The following DNAH5 variants were observed in gnomAD, a reference collection of about 807,000 sequenced individuals.
The protein encoded by DNAH5 is axonemal beta dynein heavy chain 5.
A neutral mutation model predicts 518.2 loss-of-function variants in DNAH5; 372 were observed. That is an observed-to-expected ratio of 0.72 (90% CI 0.66 to 0.78). The LOEUF (loss-of-function observed/expected upper bound fraction) is 0.78. DNAH5 is among the 30% of genes least tolerant of loss of function. DNAH5 has a pLI of 0.00. For synonymous variants in DNAH5, 2,039 were observed against 2,025.9 expected (o/e 1.01, Z -0.17); for missense variants, 5,523 against 5,687.0 (o/e 0.97, Z 0.93).
chr5:13,786,416 T>A (rs970954683), intron 51 of DNAH5, 65 bp from the exon 52 acceptor site: 1 of 1,450,532 alleles, frequency 6.9e-7, no homozygotes, highest in Non-Finnish European at 9.6e-7. Context: ...CAATCTAAAT[T>A]AATACACTCA....
intron 2 of DNAH5, among the ~76,000 whole-genome samples, chr5:13,929,451 T>C (rs1778203991): frequency 1.3e-5 from 2 of 148,668 alleles, no homozygotes. Context: ...TAATGAACTG[T>C]ACACTTAAAA....
upstream of DNAH5, among the ~76,000 whole-genome samples, chr5:13,947,448 C>T (rs1255107341): frequency 6.6e-6 from 1 of 152,150 alleles, no homozygotes; most frequent in East Asian, 1.9e-4. Flanking sequence ...AAACCACTTA[C>T]CTAAAACTGG....
intron 1 of DNAH5, among the ~76,000 whole-genome samples, chr5:13,964,795 T>C (rs964571499): frequency 6.6e-6 from 1 of 152,210 alleles, no homozygotes; most frequent in Non-Finnish European, 1.5e-5. Flanking sequence ...GTATCTGAAG[T>C]AGGATCAGGA....
intron 15 of DNAH5, 88 bp downstream of exon 15, chr5:13,900,118 G>C: frequency 8.2e-7 from 1 of 1,217,140 alleles, no homozygotes; most frequent in South Asian, 1.3e-5. Context: ...GCCACTTTCT[G>C]CTCCTTGAAT....
chr5:13,883,089 T>A lies in DNAH5; in HGVS notation c.2989A>T (p.Asn997Tyr), dbSNP rs1352112885. The A allele has an allele frequency of 1.2e-6, 2 of 1,613,896 alleles. No individual in the cohort carries two copies. The highest frequency in any genetic ancestry group is 2.7e-5 in the African/African-American group (2 of 75,064). Residue 997 changes from asparagine to tyrosine, a missense_variant, in exon 20 of 79, where the codon AAC (asparagine) becomes TAC (tyrosine). Around this residue, in one of 3 missense-constraint regions of DNAH5, gnomAD observed 5,121 missense variants for 5,223.3 expected, o/e 0.98. Coordinates refer to ENST00000265104, the MANE Select transcript of DNAH5 (RefSeq NM_001369.3). ...TTCTGCTTCATGTTAGAGGCACTGTTACTGTCTGAGTTAACCCAAAACAAG... is the reference window on the plus strand; with the variant it reads ...TTCTGCTTCATGTTAGAGGCACTGTAACTGTCTGAGTTAACCCAAAACAAG... ...SSHTINFRDS[N>Y]SASNMKQNSL...
At chr5:13,744,932 C>A (rs1369343616) in intron 65 of DNAH5, among the ~76,000 whole-genome samples, 1 of 151,988 alleles carries the variant, frequency 6.6e-6, no homozygotes, top group Non-Finnish European at 1.5e-5. Context: ...AAAGAGATTT[C>A]TTTTTCCCCC....
In DNAH5 at chr5:13,792,019, G is replaced by C; in HGVS notation, c.8423C>G (p.Thr2808Ser). 6.2e-7 allele frequency: 1 copy of C among 1,613,936 alleles called. No homozygotes were observed. The highest frequency in any genetic ancestry group is 1.3e-5 in the African/African-American group (1 of 75,030). ...SRVWQGMLNT[T>S]SEVIKEPNDL... ...ATTTGGTTCCTTGATGACCTCTGAA[G>C]TAGTGTTCAGCATTCCCTGCCAGAC... The change falls in exon 50 of 79, where the codon ACT (threonine) becomes AGT (serine). Residue 2808 changes from threonine to serine, a missense_variant. Transcript: ENST00000265104.
chr5:13,772,742 T>C (rs1753513054), intron 55 of DNAH5, among the ~76,000 whole-genome samples: 1 of 150,628 alleles, frequency 6.6e-6, no homozygotes, highest in African/African-American at 2.5e-5. Flanking sequence ...CCTAGGGGCT[T>C]CTTTAAATTA....
At chr5:13,903,271 A>G (rs1774903261) in intron 12 of DNAH5, among the ~76,000 whole-genome samples, 2 of 152,182 alleles carry the variant, frequency 1.3e-5, no homozygotes, top group African/African-American at 2.4e-5. Flanking sequence ...ACAGTTTTCA[A>G]ATAAAATCAC....
intron 21 of DNAH5, among the ~76,000 whole-genome samples, chr5:13,882,152 G>A (rs889700563): frequency 6.6e-6 from 1 of 151,916 alleles, no homozygotes; most frequent in African/African-American, 2.4e-5. Flanking sequence ...TAAGAAAGAA[G>A]ATCAAATCAG....
intron 47 of DNAH5, among the ~76,000 whole-genome samples, chr5:13,794,800 C>T (rs1019243672): frequency 6.6e-6 from 1 of 152,020 alleles, no homozygotes; most frequent in Non-Finnish European, 1.5e-5. Flanking sequence ...CCTGTCTCTA[C>T]TAAAAATACA....
rs1234602973 is a variant in DNAH5 at position 13,923,353 on chromosome 5, G to A, written c.365C>T (p.Ala122Val). ...KVFVTEGNDV[A>V]LTGVCVFFIR... ...GAAGAACACACATACCCCAGTAAGA[G>A]CCACATCGTTTCCCTCGGTCACGAA... Residue 122 changes from alanine (A) to valine (V), a missense_variant, in exon 4 of 79, where the codon GCT (alanine) becomes GTT (valine). Coordinates refer to ENST00000265104, the MANE Select transcript of DNAH5 (RefSeq NM_001369.3). 3 of 1,614,160 alleles carry A rather than the reference G, an allele frequency of 1.9e-6. No homozygotes were observed. The highest frequency in any genetic ancestry group is 1.6e-4 in the Middle Eastern group (1 of 6,062).
intron 1 of DNAH5, among the ~76,000 whole-genome samples, chr5:13,992,608 C>T (rs12651958): frequency 0.34 from 51,441 of 152,046 alleles, 9,368 homozygotes; most frequent in East Asian, 0.79. Context: ...AACTCCACTG[C>T]AAGAATACAT....
intron 1 of DNAH5, among the ~76,000 whole-genome samples, chr5:13,983,521 G>C (rs1477174436): frequency 6.6e-6 from 1 of 152,184 alleles, no homozygotes; most frequent in South Asian, 2.1e-4. Flanking sequence ...TCAGTGTGAC[G>C]ATGCTGCCCA....
At chr5:13,892,468 T>C (rs11952045) in intron 16 of DNAH5, among the ~76,000 whole-genome samples, 85,901 of 151,960 alleles carry the variant, frequency 0.57, 24,534 homozygotes, top group South Asian at 0.64. Flanking sequence ...ATTGGCTTAC[T>C]AATCCAATTA....
chr5:13,776,455 T>G lies in DNAH5; in HGVS notation c.9357A>C (p.Lys3119Asn). ...CTIDWFSRWP[K>N]DALVAVSEHF... ...CATACTAACCAGCAACTAAAGCATC[T>G]TTGGGCCATCGGCTGAACCAGTCAA... Residue 3119 changes from lysine (K) to asparagine (N), a missense_variant, in exon 55 of 79, where the codon AAA (lysine) becomes AAC (asparagine). By Grantham distance (94) the Lys-to-Asn change is moderately conservative. This residue lies in a region of DNAH5 where 5,121 missense variants were observed against 5,223.3 expected (regional missense o/e 0.98). Transcript: ENST00000265104. 8 of 1,613,766 alleles carry G rather than the reference T, an allele frequency of 5.0e-6. No individual in the cohort carries two copies. The highest frequency in any genetic ancestry group is 6.8e-6 in the Non-Finnish European group (8 of 1,179,728).
At chr5:13,742,777 C>T (rs775436868) in intron 65 of DNAH5, among the ~76,000 whole-genome samples, 46 of 151,774 alleles carry the variant, frequency 3.0e-4, no homozygotes, top group Admixed American at 1.1e-3. Flanking sequence ...AAGTTTGAAA[C>T]GGATGAAAAT....
intron 24 of DNAH5, among the ~76,000 whole-genome samples, chr5:13,869,744 A>T (rs1769804017): frequency 6.6e-6 from 1 of 152,140 alleles, no homozygotes; most frequent in African/African-American, 2.4e-5. Context: ...GTTTTGTTTT[A>T]TACAATCGTT....
At chr5:13,716,019 T>C (rs1744237833) in intron 74 of DNAH5, among the ~76,000 whole-genome samples, 1 of 152,216 alleles carries the variant, frequency 6.6e-6, no homozygotes, top group Non-Finnish European at 1.5e-5. Context: ...CAAAGCAGCT[T>C]CCTGGACATA....
Sources: allele counts gnomAD v4.1 joint callset (sites outside exome capture counted in the v4.1 genomes callset), GRCh38; gene constraint gnomAD v4.1.1; regional missense constraint gnomAD v4.1.1; transcripts MANE v1.5; gene names NCBI Gene and HGNC (gene_info 2026-07-23, HGNC 2026-07-21).